Variants in MACROD2 observed in about 807,000 individuals in gnomAD.
The protein encoded by MACROD2 is mono-ADP ribosylhydrolase 2.
MACROD2 carries 36 observed loss-of-function variants against 70.4 expected under a neutral mutation model. The observed-to-expected ratio is 0.51, with a 90% confidence interval of 0.39 to 0.68. The LOEUF is 0.68. Ranked by LOEUF, MACROD2 falls within the 30% of genes least tolerant of loss-of-function variation. The pLI is 0.00. For missense variants in MACROD2, 496 were observed against 538.4 expected (o/e 0.92, Z 0.78); for synonymous variants, 172 against 178.8 (o/e 0.96, Z 0.30).
At chr20:14,829,128 ATTTT>A (rs71190150) in intron 5 of MACROD2, among the ~76,000 whole-genome samples, 1 of 110,366 alleles carries the variant, frequency 9.1e-6, no homozygotes, top group African/African-American at 3.5e-5. Flanking sequence ...TTGCAGAACT[ATTTT>A]TTTTTTTTTT....
At chr20:15,634,958 G>T (rs1183711843) in intron 8 of MACROD2, among the ~76,000 whole-genome samples, 2 of 152,202 alleles carry the variant, frequency 1.3e-5, no homozygotes, top group African/African-American at 4.8e-5. Context: ...GGTGTCTGTG[G>T]CTGTCAGACT....
intron 3 of MACROD2, among the ~76,000 whole-genome samples, chr20:14,126,161 G>A (rs2054647185): frequency 6.6e-6 from 1 of 152,162 alleles, no homozygotes; most frequent in East Asian, 1.9e-4. Context: ...TCTGAAGGGT[G>A]GCAGTCCAAG....
At chr20:15,206,990 C>T (rs1166819279) in intron 5 of MACROD2, among the ~76,000 whole-genome samples, 2 of 151,970 alleles carry the variant, frequency 1.3e-5, no homozygotes, top group Non-Finnish European at 2.9e-5. Context: ...CCCGCCTCGG[C>T]CTCCCAAAGT....
At chr20:14,566,235 C>G (rs572504545) in intron 4 of MACROD2, among the ~76,000 whole-genome samples, 1 of 152,006 alleles carries the variant, frequency 6.6e-6, no homozygotes, top group South Asian at 2.1e-4. Context: ...TTACAGAAGA[C>G]AAATTCCAAA....
chr20:14,762,299 C>G (rs559128112), intron 5 of MACROD2, among the ~76,000 whole-genome samples: 1 of 152,192 alleles, frequency 6.6e-6, no homozygotes, highest in East Asian at 1.9e-4. Context: ...AGTGTCTATA[C>G]AAGCTAAGAA....
At chr20:14,068,340 A>G (rs547422365) in intron 2 of MACROD2, among the ~76,000 whole-genome samples, 1 of 151,348 alleles carries the variant, frequency 6.6e-6, no homozygotes, top group African/African-American at 2.4e-5. Context: ...AAACCTTCAT[A>G]TAAGGATCTC....
chr20:14,903,932 G>A (rs763536286), intron 5 of MACROD2, among the ~76,000 whole-genome samples: 18 of 152,106 alleles, frequency 1.2e-4, no homozygotes, highest in South Asian at 4.1e-4. Context: ...ACATTCTCTC[G>A]CTGAGAATGT....
At chr20:14,656,442 A>G (rs1985981561) in intron 4 of MACROD2, among the ~76,000 whole-genome samples, 1 of 152,230 alleles carries the variant, frequency 6.6e-6, no homozygotes, top group South Asian at 2.1e-4. Flanking sequence ...ATGACACCAT[A>G]TAAAACAGCT....
intron 3 of MACROD2, among the ~76,000 whole-genome samples, chr20:14,222,812 T>TGG (rs762188874): frequency 7.7e-5 from 2 of 25,858 alleles, no homozygotes; most frequent in Admixed American, 4.8e-4. Flanking sequence ...TTTGGATTTC[T>TGG]GAAAAAAAAA....
chr20:15,503,892 C>T (rs1334711291), intron 8 of MACROD2, among the ~76,000 whole-genome samples: 8 of 152,174 alleles, frequency 5.3e-5, no homozygotes, highest in Admixed American at 5.2e-4. Context: ...ATGTGAGTCT[C>T]CCATCAGTGC....
At chr20:14,987,601 C>T (rs908327943) in intron 5 of MACROD2, among the ~76,000 whole-genome samples, 5 of 152,002 alleles carry the variant, frequency 3.3e-5, no homozygotes, top group Admixed American at 3.3e-4. Flanking sequence ...TGAATATATT[C>T]CAGGCTCTAA....
chr20:14,325,072 A>AT (rs200609256), intron 3 of MACROD2: 3,442 of 152,414 alleles, frequency 0.023, 42 homozygotes, highest in East Asian at 0.028. Context: ...TTTCATAACC[A>AT]TTTTTTAAAA....
chr20:14,072,507 G>C (rs1191719035), intron 2 of MACROD2, among the ~76,000 whole-genome samples: 4 of 152,046 alleles, frequency 2.6e-5, no homozygotes, highest in Non-Finnish European at 4.4e-5. Context: ...TACCAGCTGT[G>C]TGTACTTGGT....
intron 3 of MACROD2, among the ~76,000 whole-genome samples, chr20:14,182,702 A>G (rs2081314311): frequency 6.6e-6 from 1 of 152,040 alleles, no homozygotes; most frequent in Non-Finnish European, 1.5e-5. Context: ...GTTTTTAAAA[A>G]TACTCTTAAG....
intron 5 of MACROD2, among the ~76,000 whole-genome samples, chr20:14,951,562 A>C (rs976229701): frequency 6.6e-6 from 1 of 152,120 alleles, no homozygotes; most frequent in African/African-American, 2.4e-5. Context: ...CATATTTGTT[A>C]TCCCTATTAA....
At chr20:14,155,519 G>C (rs2055090557) in intron 3 of MACROD2, among the ~76,000 whole-genome samples, 1 of 152,068 alleles carries the variant, frequency 6.6e-6, no homozygotes. Flanking sequence ...TATTTGACTA[G>C]GGAATCCACA....
At chr20:15,061,089 A>G (rs2075528901) in intron 5 of MACROD2, among the ~76,000 whole-genome samples, 1 of 152,186 alleles carries the variant, frequency 6.6e-6, no homozygotes, top group Admixed American at 6.5e-5. Flanking sequence ...ATTTTACAGC[A>G]TGTATTTTAA....
At chr20:16,027,184 G>C (rs962234324) in intron 15 of MACROD2, among the ~76,000 whole-genome samples, 6 of 152,234 alleles carry the variant, frequency 3.9e-5, no homozygotes, top group African/African-American at 1.4e-4. Flanking sequence ...GACTGAGACC[G>C]GAAATGGAAT....
intron 6 of MACROD2, among the ~76,000 whole-genome samples, chr20:15,423,373 T>A (rs894845714): frequency 6.6e-6 from 1 of 152,202 alleles, no homozygotes; most frequent in Non-Finnish European, 1.5e-5. Context: ...TCCATTATTA[T>A]CCCATTGGCC....
Sources: gnomAD v4.1 joint callset for allele counts (sites outside exome capture counted in the v4.1 genomes callset) on GRCh38, gnomAD v4.1.1 for gene constraint, MANE v1.5 for transcripts, NCBI Gene and HGNC (gene_info 2026-07-23, HGNC 2026-07-21) for gene names.